The following KIAA1549L variants were observed in gnomAD, a reference collection of about 807,000 sequenced individuals.
KIAA1549L encodes UPF0606 protein KIAA1549L.
A neutral mutation model predicts 160.7 loss-of-function variants in KIAA1549L; 88 were observed. That is an observed-to-expected ratio of 0.55 (90% CI 0.46 to 0.65). The LOEUF (loss-of-function observed/expected upper bound fraction) is 0.65, where lower values mean the gene tolerates loss of function less well. Ranked by LOEUF, KIAA1549L falls within the 30% of genes least tolerant of loss-of-function variation. The pLI is 0.00. For synonymous variants in KIAA1549L, 950 were observed against 976.7 expected (o/e 0.97, Z 0.51); for missense variants, 2,258 against 2,437.5 (o/e 0.93, Z 1.55).
chr11:33,422,300 G>A (rs1448817304), intron 1 of KIAA1549L, among the ~76,000 whole-genome samples: 2 of 152,248 alleles, frequency 1.3e-5, no homozygotes, highest in East Asian at 3.9e-4. Context: ...CCACTGCCCT[G>A]TGTATTCCTT....
intron 1 of KIAA1549L, among the ~76,000 whole-genome samples, chr11:33,418,627 A>AGTTTATT (rs1365445533): frequency 1.3e-5 from 2 of 152,202 alleles, no homozygotes; most frequent in African/African-American, 4.8e-5. Context: ...GCAGCGAGGG[A>AGTTTATT]CCACAGGAGC....
At chr11:33,421,319 G>A (rs116926862) in intron 1 of KIAA1549L, among the ~76,000 whole-genome samples, 3,124 of 152,252 alleles carry the variant, frequency 0.021, 50 homozygotes, top group Non-Finnish European at 0.031. Context: ...TGAGCAGATC[G>A]GAGAGGAAAG....
intron 1 of KIAA1549L, among the ~76,000 whole-genome samples, chr11:33,452,437 C>A (rs948675020): frequency 6.6e-6 from 1 of 152,112 alleles, no homozygotes; most frequent in African/African-American, 2.4e-5. Flanking sequence ...GAAACCCTGT[C>A]TCTACTAAAA....
intron 20 of KIAA1549L, among the ~76,000 whole-genome samples, chr11:33,664,672 AAAAG>A (rs1375141994): frequency 6.6e-6 from 1 of 152,224 alleles, no homozygotes; most frequent in Admixed American, 6.5e-5. Context: ...GAGGATAGTG[AAAAG>A]AAAGACAGCT....
At position 33,659,735 on chromosome 11, in the gene KIAA1549L, A is replaced by G. The variant is rs1433497263; in HGVS notation, c.6007+837A>G. Among the ~76,000 whole-genome samples, 4 of 152,172 alleles carry G rather than the reference A, an allele frequency of 2.6e-5. No individual in the cohort carries two copies. In the South Asian group the frequency reaches 8.3e-4, roughly 31 times the overall value. ...CTTTAAAAATACACACTCTCCTGGG[A>G]GGAAAACACCTGACCACCAAGGTGT... On this transcript the variant is annotated intron_variant, in intron 19 of 20. Coordinates refer to ENST00000658780, the MANE Select transcript of KIAA1549L (RefSeq NM_012194.3).
intron 1 of KIAA1549L, among the ~76,000 whole-genome samples, chr11:33,461,332 A>T (rs1432119817): frequency 6.6e-6 from 1 of 152,200 alleles, no homozygotes; most frequent in Non-Finnish European, 1.5e-5. Context: ...GCAGCACCGC[A>T]TGGTAGCTGC....
intron 11 of KIAA1549L, among the ~76,000 whole-genome samples, chr11:33,590,436 AT>A (rs1850019658): frequency 1.3e-5 from 2 of 152,230 alleles, no homozygotes; most frequent in African/African-American, 4.8e-5. Flanking sequence ...ACTTTCAGGA[AT>A]TGTTTAAATA....
In KIAA1549L at chr11:33,658,860, C is replaced by T; in HGVS notation, c.5969C>T (p.Ser1990Phe). Residue 1990 changes from serine (S) to phenylalanine (F), a missense_variant, in exon 19 of 21, where the codon TCC (serine) becomes TTC (phenylalanine). Ser to Phe is a radical substitution (Grantham distance 155). Coordinates refer to ENST00000658780, the MANE Select transcript of KIAA1549L (RefSeq NM_012194.3). ...ACGCAGATGTCCAGAGGCCCTGTGT[C>T]CGTGACGCAGTTGGATCAGTCGGCT... is the stretch of plus-strand genomic sequence containing the variant. ...SFTQMSRGPV[S>F]VTQLDQSALN... The T allele has an allele frequency of 6.4e-7, 1 of 1,561,540 alleles. No homozygotes were observed. Among genetic ancestry groups the T allele is most frequent in the Non-Finnish European group, 8.7e-7 (1 of 1,152,964 alleles).
At chr11:33,606,536 T>A (rs926393462) in intron 13 of KIAA1549L, 105 bp from the exon 14 acceptor site, 1 of 1,139,514 alleles carries the variant, frequency 8.8e-7, no homozygotes, top group African/African-American at 1.6e-5. Context: ...TCTGAGGTTG[T>A]TTTGAGTAAA....
In KIAA1549L at chr11:33,477,520, A is replaced by ACACACAC. The variant is rs1554981526; in HGVS notation, c.239-64282_239-64281insCACACAC. Among the ~76,000 whole-genome samples, 329 of 147,000 alleles carry ACACACAC rather than the reference A, an allele frequency of 2.2e-3. 3 individuals are homozygous for ACACACAC. The highest frequency in any genetic ancestry group is 7.7e-3 in the African/African-American group (310 of 40,082). ...ACGCAGGTGCACGCACACACACACA[A>ACACACAC]ACACACACACACACACACACACGAC... On this transcript the variant is annotated intron_variant, in intron 1 of 20. Transcript: ENST00000658780.
At chr11:33,441,814 A>G (rs890857414) in intron 1 of KIAA1549L, among the ~76,000 whole-genome samples, 1 of 151,926 alleles carries the variant, frequency 6.6e-6, no homozygotes, top group African/African-American at 2.4e-5. Context: ...TAGATTCTGG[A>G]TATTAGCCCT....
intron 1 of KIAA1549L, among the ~76,000 whole-genome samples, chr11:33,481,316 A>T (rs1852407464): frequency 6.6e-6 from 1 of 152,220 alleles, no homozygotes. Context: ...AGTAGTAAGA[A>T]TGCTATCTCA....
chr11:33,446,796 C>G (rs1039750192), intron 1 of KIAA1549L, among the ~76,000 whole-genome samples: 2 of 152,266 alleles, frequency 1.3e-5, no homozygotes, highest in African/African-American at 4.8e-5. Flanking sequence ...AATGTGGTAG[C>G]TGGCTTTCCT....
intron 3 of KIAA1549L, among the ~76,000 whole-genome samples, chr11:33,545,664 T>C (rs1200979180): frequency 6.6e-6 from 1 of 152,162 alleles, no homozygotes; most frequent in Non-Finnish European, 1.5e-5. Flanking sequence ...AGGGCCAAAG[T>C]TGAGAAACCA....
At chr11:33,479,611 T>A (rs1047071329) in intron 1 of KIAA1549L, among the ~76,000 whole-genome samples, 3 of 152,108 alleles carry the variant, frequency 2.0e-5, no homozygotes, top group Non-Finnish European at 4.4e-5. Context: ...GAAAGTGGCA[T>A]CGGAGAATAA....
intron 1 of KIAA1549L, among the ~76,000 whole-genome samples, chr11:33,451,865 C>T (rs1241588970): frequency 6.6e-6 from 1 of 152,220 alleles, no homozygotes; most frequent in Non-Finnish European, 1.5e-5. Context: ...TGGGACTCCT[C>T]TAGAGTTCAA....
At chr11:33,627,239 C>T (rs1851142501) in intron 16 of KIAA1549L, among the ~76,000 whole-genome samples, 1 of 143,894 alleles carries the variant, frequency 6.9e-6, no homozygotes, top group Admixed American at 7.1e-5. Context: ...GTGTCTCTGC[C>T]CGGCGTTGGT....
Position 33,551,180 on chromosome 11 carries a change from C to G in KIAA1549L, c.3642C>G (p.His1214Gln), listed in dbSNP as rs1311291284. 2 of 1,613,978 alleles carry G rather than the reference C, an allele frequency of 1.2e-6. No homozygotes were observed. The highest frequency in any genetic ancestry group is 2.2e-5 in the South Asian group (2 of 91,084). Residue 1214 changes from histidine to glutamine, a missense_variant, in exon 5 of 21, where the codon CAC becomes CAG. Around this residue, in one of 6 missense-constraint regions of KIAA1549L, gnomAD observed 1,359 missense variants for 1,546.6 expected, o/e 0.88. Transcript: ENST00000658780. The stretch of plus-strand genomic sequence containing the variant: ...ACGTCACTGCAGACCTGAAGCAACA[C>G]ACCCCACACTTACAGTCTGTGGCAG... ...VSNVTADLKQHTPHLQSVAVL... is the reference protein window; with the variant it reads ...VSNVTADLKQQTPHLQSVAVL...
chr11:33,615,029 C>T (rs750790282), intron 15 of KIAA1549L, among the ~76,000 whole-genome samples: 2 of 152,086 alleles, frequency 1.3e-5, no homozygotes, highest in African/African-American at 2.4e-5. Flanking sequence ...CTTGAGCCTC[C>T]GTTACCCAAA....
Sources: allele counts gnomAD v4.1 joint callset (sites outside exome capture counted in the v4.1 genomes callset), GRCh38; gene constraint gnomAD v4.1.1; regional missense constraint gnomAD v4.1.1; transcripts MANE v1.5; gene names NCBI Gene and HGNC (gene_info 2026-07-23, HGNC 2026-07-21).